LRP11: variants seen among roughly 807,000 people sequenced by gnomAD.
LRP11 encodes the protein LDL receptor related protein 11.
A neutral mutation model predicts 43.1 loss-of-function variants in LRP11; 25 were observed. The ratio of observed to expected loss-of-function variants is 0.58; its 90% CI spans 0.42 to 0.81. The LOEUF is 0.81. LRP11 is among the 30% of genes least tolerant of loss of function. The pLI is 0.00. For synonymous variants in LRP11, 316 were observed against 299.4 expected, an observed-to-expected ratio of 1.06 and a Z score of -0.57; for missense variants, 623 against 665.1, an observed-to-expected ratio of 0.94 and a Z score of 0.70.
intron 1 of LRP11, among the ~76,000 whole-genome samples, chr6:149,853,970 G>A (rs886361404): frequency 6.6e-6 from 1 of 152,120 alleles, no homozygotes; most frequent in Non-Finnish European, 1.5e-5. Flanking sequence ...AATTTTTAGA[G>A]CCATACAAAA....
At chr6:149,851,853 G>A (rs1776724282) in intron 2 of LRP11, among the ~76,000 whole-genome samples, 1 of 152,182 alleles carries the variant, frequency 6.6e-6, no homozygotes, top group African/African-American at 2.4e-5. Flanking sequence ...AGGTTTAATT[G>A]ACTCATAGTT....
At chr6:149,855,931 TG>T (rs2115416223) in intron 1 of LRP11, among the ~76,000 whole-genome samples, 1 of 152,298 alleles carries the variant, frequency 6.6e-6, no homozygotes, top group South Asian at 2.1e-4. Context: ...GTCTTTATGC[TG>T]CTTCTGCCAG....
At position 149,853,194 on chromosome 6, in the gene LRP11, A is replaced by G. The variant is rs370546628; in HGVS notation, c.614-34T>C. The G allele has an allele frequency of 4.0e-6, 6 of 1,501,720 alleles. No individual in the cohort carries two copies. In the African/African-American group the frequency reaches 8.6e-5, roughly 22 times the overall value. The allele number at this position is 1,501,720 out of a possible 1,614,324, so 93.0% of individuals were successfully genotyped here. On this transcript the variant is annotated intron_variant, in intron 1 of 6. Transcript: ENST00000239367. ...GAAAATAAATAATTCATAAAAGATG[A>G]TTTCTTATTTTTTCTAATTTATGGA...
chr6:149,858,971 T>C (rs773372961), intron 1 of LRP11, among the ~76,000 whole-genome samples: 1 of 152,206 alleles, frequency 6.6e-6, no homozygotes, highest in African/African-American at 2.4e-5. Context: ...ATTTACACCA[T>C]CAGTGAGCTA....
At chr6:149,838,513 G>A (rs532358507) in intron 3 of LRP11, among the ~76,000 whole-genome samples, 15 of 151,416 alleles carry the variant, frequency 9.9e-5, no homozygotes, top group South Asian at 4.2e-4. Flanking sequence ...GTGAAACCCC[G>A]TCTCTACTAA....
At chr6:149,860,399 TCCTCCCTC>T (rs569599912) in intron 1 of LRP11, among the ~76,000 whole-genome samples, 1 of 151,776 alleles carries the variant, frequency 6.6e-6, no homozygotes, top group Non-Finnish European at 1.5e-5. Flanking sequence ...CTTCTACCTC[TCCTCCCTC>T]CCTCCCTCCC....
At chr6:149,841,011 G>T (rs1312628166) in intron 3 of LRP11, among the ~76,000 whole-genome samples, 6 of 152,150 alleles carry the variant, frequency 3.9e-5, no homozygotes, top group Non-Finnish European at 7.4e-5. Flanking sequence ...GCACGGGCTG[G>T]AGTTTGGTGC....
intron 2 of LRP11, among the ~76,000 whole-genome samples, chr6:149,851,441 C>T (rs925141599): frequency 1.3e-5 from 2 of 152,160 alleles, no homozygotes; most frequent in African/African-American, 4.8e-5. Context: ...ATATGAGGAA[C>T]ATCTGACAAA....
chr6:149,860,084 G>A (rs1776868410), intron 1 of LRP11, among the ~76,000 whole-genome samples: 1 of 152,116 alleles, frequency 6.6e-6, no homozygotes. Flanking sequence ...CCCTTGGAGA[G>A]GGAGAGTGGT....
chr6:149,836,020 A>G, intron 5 of LRP11, 65 bp downstream of exon 5: 3 of 1,414,206 alleles, frequency 2.1e-6, no homozygotes, highest in Non-Finnish European at 3.0e-6. Flanking sequence ...CATAAACTTA[A>G]TTGTGAGCCA....
rs774985517 is a variant in LRP11, at chr6:149,843,060, G to A, written c.836C>T (p.Thr279Ile). ...LQEGTYTFQL[T>I]VTDTAGQRSS... ...TCTCTGCCCGGCAGTGTCCGTCACG[G>A]TCAGCTGGAAGGTGTAGGTTCCCTC... Residue 279 changes from threonine (T) to isoleucine (I), a missense_variant, in exon 3 of 7, where the codon ACC becomes ATC. Transcript: ENST00000239367. 6.2e-6 allele frequency: 10 copies of A among 1,614,100 alleles called. No individual in the cohort carries two copies.
intron 5 of LRP11, 25 bp downstream of exon 5, chr6:149,836,060 T>C (rs757974409): frequency 1.6e-5 from 25 of 1,603,864 alleles, no homozygotes; most frequent in East Asian, 1.1e-4. Flanking sequence ...AGGTTCTTCA[T>C]TGAGAACCCA....
intron 5 of LRP11, among the ~76,000 whole-genome samples, chr6:149,831,830 T>A (rs1034961523): frequency 6.6e-5 from 10 of 152,092 alleles, no homozygotes; most frequent in Non-Finnish European, 1.5e-5. Context: ...CACAAGCTGA[T>A]TTCTGTAGTT....
intron 3 of LRP11, among the ~76,000 whole-genome samples, chr6:149,839,418 G>T (rs1027344591): frequency 6.6e-6 from 1 of 152,198 alleles, no homozygotes; most frequent in Non-Finnish European, 1.5e-5. Flanking sequence ...GGAAGAAGCA[G>T]GGAGCGGAGG....
At chr6:149,861,152 C>G (rs998884726) in intron 1 of LRP11, among the ~76,000 whole-genome samples, 1 of 152,098 alleles carries the variant, frequency 6.6e-6, no homozygotes. Context: ...TGCTCACAAC[C>G]CAAAAACGAA....
At chr6:149,855,987 T>C (rs1016891977) in intron 1 of LRP11, among the ~76,000 whole-genome samples, 2 of 152,238 alleles carry the variant, frequency 1.3e-5, no homozygotes, top group Middle Eastern at 3.2e-3. Context: ...AGTCCTTTCA[T>C]AGTGTTGACC....
Position 149,837,448 on chromosome 6 carries a change from C to G in LRP11, c.929G>C (p.Cys310Ser), listed in dbSNP as rs754784652. Reference protein sequence around the residue: ...AYSTGGCLHTCSRYHFFCDDG... With the variant: ...AYSTGGCLHTSSRYHFFCDDG... ...GTCACAGAAGAAGTGGTAGCGTGAG[C>G]AAGTGTGCAAACATCCTATTTGTAA... The change falls in exon 4 of 7, where the codon TGC becomes TCC. Residue 310 changes from cysteine to serine, a missense_variant. Physicochemically the swap from Cys to Ser is moderately radical, Grantham distance 112. Coordinates refer to ENST00000239367, the MANE Select transcript of LRP11 (RefSeq NM_032832.6). 7 of 1,613,814 alleles carry G rather than the reference C, an allele frequency of 4.3e-6. No individual in the cohort carries two copies. The South Asian group carries it at 6.6e-5, about 15-fold the overall frequency.
chr6:149,861,509 C>T (rs1198198831), intron 1 of LRP11, among the ~76,000 whole-genome samples: 4 of 152,120 alleles, frequency 2.6e-5, no homozygotes, highest in Non-Finnish European at 5.9e-5. Flanking sequence ...TCATAGTAAC[C>T]TGAAGTTTTT....
intron 2 of LRP11, among the ~76,000 whole-genome samples, chr6:149,846,936 T>TATAAA (rs1179374188): frequency 2.4e-4 from 33 of 138,170 alleles, no homozygotes; most frequent in East Asian, 6.2e-4. Context: ...CCTATCTCAA[T>TATAAA]ATAAAATAAA....
Sources: gnomAD v4.1 joint callset for allele counts (sites outside exome capture counted in the v4.1 genomes callset) on GRCh38, gnomAD v4.1.1 for gene constraint, MANE v1.5 for transcripts, NCBI Gene and HGNC (gene_info 2026-07-23, HGNC 2026-07-21) for gene names.